The following KCNH7 variants were observed in gnomAD, a reference collection of about 807,000 sequenced individuals.
The protein encoded by KCNH7 is potassium voltage-gated channel subfamily H member 7.
KCNH7 carries 49 observed loss-of-function variants against 120.8 expected under a neutral mutation model. The ratio of observed to expected loss-of-function variants is 0.41; its 90% confidence interval spans 0.32 to 0.51. The LOEUF (loss-of-function observed/expected upper bound fraction) is 0.51. Ranked by LOEUF, KCNH7 falls within the 20% of genes least tolerant of loss-of-function variation. The probability of loss-of-function intolerance (pLI) is 0.38; values close to 1 mark genes in which losing one functional copy is unlikely to be tolerated. For missense variants in KCNH7, 1,097 were observed against 1,446.6 expected (o/e 0.76, Z 3.92); for synonymous variants, 547 against 516.1 (o/e 1.06, Z -0.81).
rs776471233 is a variant in KCNH7, at chr2:162,379,815, T to C, written c.3131+38A>G. 6 of 1,601,102 alleles carry C rather than the reference T, an allele frequency of 3.7e-6. No individual in the cohort carries two copies. In the South Asian group the frequency reaches 6.7e-5, roughly 18 times the overall value. On this transcript the variant is annotated intron_variant, in intron 14 of 15. Transcript: ENST00000332142. ...AGTAAAACTGGACCCATGTAAGGGG[T>C]TGGGTTATGTTCTCCTTTTGCCCAT...
intron 2 of KCNH7, among the ~76,000 whole-genome samples, chr2:162,643,264 T>A (rs1347325632): frequency 1.3e-5 from 2 of 151,938 alleles, no homozygotes; most frequent in Non-Finnish European, 2.9e-5. Context: ...TTCAGACTAT[T>A]GATTTTTTTT....
intron 2 of KCNH7, among the ~76,000 whole-genome samples, chr2:162,654,708 G>A (rs757185974): frequency 2.6e-5 from 4 of 152,100 alleles, no homozygotes; most frequent in African/African-American, 9.7e-5. Context: ...CTTGGTCACT[G>A]AGCATTATTC....
chr2:162,469,881 A>C (rs1054205665), intron 6 of KCNH7, among the ~76,000 whole-genome samples: 1 of 151,978 alleles, frequency 6.6e-6, no homozygotes, highest in Non-Finnish European at 1.5e-5. Flanking sequence ...TGGTTTTCAT[A>C]TTTTTTTGGT....
intron 2 of KCNH7, among the ~76,000 whole-genome samples, chr2:162,834,807 G>A (rs1023330155): frequency 2.6e-5 from 4 of 152,102 alleles, no homozygotes; most frequent in Admixed American, 2.6e-4. Context: ...CACTCTGAAA[G>A]ATATACCTAG....
intron 3 of KCNH7, chr2:162,527,921 ACCTTCTTGGG>A (rs1691771021): frequency 6.6e-6 from 1 of 151,972 alleles, no homozygotes; most frequent in South Asian, 2.1e-4. Flanking sequence ...TGGTTTTCAT[ACCTTCTTGGG>A]CATCAGAATG....
chr2:162,824,040 A>T (rs1378890212), intron 2 of KCNH7, among the ~76,000 whole-genome samples: 1 of 152,176 alleles, frequency 6.6e-6, no homozygotes, highest in Non-Finnish European at 1.5e-5. Flanking sequence ...ATCACGAATG[A>T]TATTATAAAA....
intron 6 of KCNH7, among the ~76,000 whole-genome samples, chr2:162,497,874 C>A (rs1013184532): frequency 6.6e-6 from 1 of 152,120 alleles, no homozygotes; most frequent in African/African-American, 2.4e-5. Flanking sequence ...TACCATAATT[C>A]TATTTTCATG....
intron 2 of KCNH7, among the ~76,000 whole-genome samples, chr2:162,740,923 T>C (rs999033397): frequency 1.4e-4 from 22 of 152,168 alleles, no homozygotes; most frequent in South Asian, 8.3e-4. Context: ...CTGGGTTTGG[T>C]AGTTTTCTCT....
chr2:162,457,028 C>A (rs1688986009), intron 6 of KCNH7, among the ~76,000 whole-genome samples: 2 of 151,846 alleles, frequency 1.3e-5, no homozygotes, highest in African/African-American at 4.8e-5. Context: ...TTTTAATGAC[C>A]TAAATGCAAA....
At chr2:162,436,743 G>A (rs1317966012) in intron 7 of KCNH7, among the ~76,000 whole-genome samples, 6 of 152,026 alleles carry the variant, frequency 3.9e-5, no homozygotes. Context: ...ATAGCACATG[G>A]AATAACTACC....
chr2:162,525,987 A>AC (rs1220815125), intron 3 of KCNH7, among the ~76,000 whole-genome samples: 1 of 151,810 alleles, frequency 6.6e-6, no homozygotes. Context: ...GGTGAAATTC[A>AC]CCCCCAATAT....
intron 2 of KCNH7, among the ~76,000 whole-genome samples, chr2:162,551,490 G>A (rs370707678): frequency 8.0e-4 from 121 of 151,772 alleles, no homozygotes; most frequent in African/African-American, 2.8e-3. Context: ...AATTTGAGGG[G>A]CACTTGAATT....
chr2:162,640,395 C>T (rs945021250), intron 2 of KCNH7, among the ~76,000 whole-genome samples: 6 of 151,938 alleles, frequency 3.9e-5, no homozygotes, highest in African/African-American at 1.2e-4. Flanking sequence ...AATAGACCCA[C>T]ATAAATATGC....
intron 2 of KCNH7, among the ~76,000 whole-genome samples, chr2:162,678,476 C>T (rs932887970): frequency 6.6e-6 from 1 of 151,358 alleles, no homozygotes; most frequent in African/African-American, 2.4e-5. Flanking sequence ...TAAAAATCTC[C>T]TCATGGTGAC....
At chr2:162,457,655 A>C (rs1289824629) in intron 6 of KCNH7, among the ~76,000 whole-genome samples, 1 of 152,212 alleles carries the variant, frequency 6.6e-6, no homozygotes, top group East Asian at 1.9e-4. Flanking sequence ...TAAGCTTTCC[A>C]AAAGATTATA....
At chr2:162,690,992 G>T (rs1409523566) in intron 2 of KCNH7, among the ~76,000 whole-genome samples, 1 of 152,130 alleles carries the variant, frequency 6.6e-6, no homozygotes, top group Non-Finnish European at 1.5e-5. Flanking sequence ...GGAGGAATTT[G>T]TCTGCTTCCT....
intron 2 of KCNH7, among the ~76,000 whole-genome samples, chr2:162,691,536 A>T (rs1404848747): frequency 6.6e-6 from 1 of 152,146 alleles, no homozygotes; most frequent in Non-Finnish European, 1.5e-5. Context: ...TAGGAAAAAC[A>T]AGAGATACTT....
chr2:162,576,930 G>A (rs560599763), intron 2 of KCNH7, among the ~76,000 whole-genome samples: 1 of 149,990 alleles, frequency 6.7e-6, no homozygotes, highest in Non-Finnish European at 1.5e-5. Flanking sequence ...TTATTTATTG[G>A]AGACAGGATC....
intron 4 of KCNH7, among the ~76,000 whole-genome samples, chr2:162,513,863 A>G (rs1047160601): frequency 5.9e-5 from 9 of 151,808 alleles, no homozygotes; most frequent in African/African-American, 9.7e-5. Flanking sequence ...TGTAATTACT[A>G]GAATATTGAA....
Sources: allele counts gnomAD v4.1 joint callset (sites outside exome capture counted in the v4.1 genomes callset), GRCh38; gene constraint gnomAD v4.1.1; transcripts MANE v1.5; gene names NCBI Gene and HGNC (gene_info 2026-07-23, HGNC 2026-07-21).